PALLD: variants seen among roughly 807,000 people sequenced by gnomAD.
PALLD encodes the protein palladin.
In PALLD, 61 loss-of-function variants were observed where a neutral mutation model predicts 123.5. That is an observed-to-expected ratio of 0.49 (90% CI 0.40 to 0.61). The LOEUF (loss-of-function observed/expected upper bound fraction) is 0.61. Among genes scored for constraint, PALLD ranks in the 20% least tolerant of loss-of-function variants. The probability of loss-of-function intolerance (pLI) is 0.00; values close to 1 mark genes in which losing one functional copy is unlikely to be tolerated. For synonymous variants in PALLD, 465 were observed against 496.4 expected, an observed-to-expected ratio of 0.94 and a Z score of 0.84; for missense variants, 1,273 against 1,377.0, an observed-to-expected ratio of 0.92 and a Z score of 1.20.
intron 2 of PALLD, among the ~76,000 whole-genome samples, chr4:168,533,515 C>A (rs1764800687): frequency 6.6e-6 from 1 of 152,114 alleles, no homozygotes; most frequent in South Asian, 2.1e-4. Context: ...GATAATTATG[C>A]CATTCAGATG....
intron 10 of PALLD, among the ~76,000 whole-genome samples, chr4:168,866,885 C>CA (rs1553962928): frequency 1.3e-5 from 2 of 152,134 alleles, no homozygotes; most frequent in Non-Finnish European, 2.9e-5. Flanking sequence ...ATCTCAATAA[C>CA]AAAGAAATAG....
rs753316618 is a variant in PALLD at position 168,921,541 on chromosome 4, G to A, written c.2858G>A (p.Gly953Glu). Residue 953 changes from glycine (G) to glutamate (E), a missense_variant, in exon 18 of 22, where the codon GGG becomes GAG. Gly to Glu is a moderately conservative substitution (Grantham distance 98). Transcript: ENST00000505667. ...KLCRMDCKVSGLPTPDLSWQL... is the reference protein window; with the variant it reads ...KLCRMDCKVSELPTPDLSWQL... ...ATTTCTTTTATGATTTAGGTCAGTG[G>A]GTTACCAACCCCAGATCTAAGCTGG... is the stretch of plus-strand genomic sequence containing the variant. The A allele has an allele frequency of 1.2e-6, 2 of 1,600,574 alleles. No homozygotes were observed. Among genetic ancestry groups the A allele is most frequent in the Non-Finnish European group, 8.5e-7 (1 of 1,173,920 alleles).
At chr4:168,670,862 T>A in intron 3 of PALLD, among the ~76,000 whole-genome samples, 1 of 145,804 alleles carries the variant, frequency 6.9e-6, no homozygotes, top group Non-Finnish European at 1.5e-5. Flanking sequence ...AAGGAGGAGA[T>A]CAAGATCAGC....
rs541132143 is a variant in PALLD, at chr4:168,559,945, C to A, written c.908+47533C>A. On this transcript the variant is annotated intron_variant, in intron 2 of 21. Transcript: ENST00000505667. ...AAGAGAGAGAGAGAGAGCATGCAAG[C>A]AAGCAGTATATAAACCAGTGAATTT... Among the ~76,000 whole-genome samples the A allele has an allele frequency of 2.0e-5, 3 of 151,868 alleles. No individual in the cohort carries two copies. The South Asian group carries it at 6.3e-4, about 32-fold the overall frequency.
At chr4:168,896,079 G>A (rs1378476647) in intron 12 of PALLD, among the ~76,000 whole-genome samples, 7 of 152,034 alleles carry the variant, frequency 4.6e-5, no homozygotes, top group Middle Eastern at 3.2e-3. Context: ...GTGTGGTGGC[G>A]TGCGCCTGTA....
intron 10 of PALLD, among the ~76,000 whole-genome samples, chr4:168,774,740 A>C (rs1734948353): frequency 6.6e-6 from 1 of 151,388 alleles, no homozygotes. Context: ...AAAAAAAAAA[A>C]AAAAAAGATA....
At chr4:168,744,415 G>A (rs919266445) in intron 10 of PALLD, among the ~76,000 whole-genome samples, 1 of 152,082 alleles carries the variant, frequency 6.6e-6, no homozygotes, top group Non-Finnish European at 1.5e-5. Context: ...CCACAGCCTC[G>A]AGGTCACAGA....
At chr4:168,791,515 C>T (rs62334303) in intron 10 of PALLD, among the ~76,000 whole-genome samples, 19,882 of 152,104 alleles carry the variant, frequency 0.13, 1,584 homozygotes, top group Non-Finnish European at 0.18. Flanking sequence ...GGAGGAACTA[C>T]CACACACTTA....
At chr4:168,569,344 C>T (rs1465871116) in intron 2 of PALLD, among the ~76,000 whole-genome samples, 1 of 152,122 alleles carries the variant, frequency 6.6e-6, no homozygotes, top group African/African-American at 2.4e-5. Flanking sequence ...TGTGAACAAC[C>T]TCTCTTTGAC....
chr4:168,832,139 G>A (rs1254643503), intron 10 of PALLD: 9 of 985,384 alleles, frequency 9.1e-6, no homozygotes, highest in African/African-American at 1.7e-5. Flanking sequence ...ACGCGGAATC[G>A]GGCAGCAGCG....
intron 2 of PALLD, among the ~76,000 whole-genome samples, chr4:168,615,041 G>T (rs1393873482): frequency 6.6e-6 from 1 of 152,074 alleles, no homozygotes; most frequent in East Asian, 1.9e-4. Context: ...CATTGATTAG[G>T]GTTACATGAT....
chr4:168,746,048 T>A (rs758493857), intron 10 of PALLD, among the ~76,000 whole-genome samples: 1 of 152,136 alleles, frequency 6.6e-6, no homozygotes, highest in Non-Finnish European at 1.5e-5. Flanking sequence ...AAAATCAGAT[T>A]TGAGCTCCAC....
At chr4:168,508,784 T>TC (rs11299423) in intron 1 of PALLD, among the ~76,000 whole-genome samples, 3 of 151,782 alleles carry the variant, frequency 2.0e-5, no homozygotes, top group Non-Finnish European at 4.4e-5. Context: ...CCCCCGAGTC[T>TC]CCCCCTCTCC....
At chr4:168,747,319 A>G (rs1019811653) in intron 10 of PALLD, among the ~76,000 whole-genome samples, 5 of 152,228 alleles carry the variant, frequency 3.3e-5, no homozygotes, top group African/African-American at 1.2e-4. Context: ...AGGAAGTCCA[A>G]CCTGCAGGCT....
At chr4:168,731,782 A>G (rs545719641) in intron 10 of PALLD, among the ~76,000 whole-genome samples, 2 of 152,314 alleles carry the variant, frequency 1.3e-5, no homozygotes, top group East Asian at 3.9e-4. Flanking sequence ...AATTCAGACC[A>G]CCCTAAAGTT....
At chr4:168,571,910 G>C (rs1017813673) in intron 2 of PALLD, among the ~76,000 whole-genome samples, 1 of 152,064 alleles carries the variant, frequency 6.6e-6, no homozygotes, top group African/African-American at 2.4e-5. Flanking sequence ...TCAGTGCCAG[G>C]CCTGACTGAG....
chr4:168,925,048 G>A lies in PALLD; in HGVS notation c.3328G>A (p.Val1110Met). Residue 1110 changes from valine to methionine, a missense_variant, in exon 20 of 22, where the codon GTG becomes ATG. Val to Met is a conservative substitution (Grantham distance 21). This residue lies in a region of PALLD where 329 missense variants were observed against 422.5 expected (regional missense o/e 0.78). Coordinates refer to ENST00000505667, the MANE Select transcript of PALLD (RefSeq NM_001166108.2). ...GTCAGCCAAGAATGAAGCAGGGATT[G>A]TGTCCTGTACTGCCAGGCTGGACGT... ...TVSAKNEAGI[V>M]SCTARLDVYI... The A allele has an allele frequency of 6.2e-7, 1 of 1,614,102 alleles. No individual in the cohort carries two copies. The highest frequency in any genetic ancestry group is 8.5e-7 in the Non-Finnish European group (1 of 1,179,976).
In PALLD at chr4:168,808,194, A is replaced by AG. The variant is rs1740518911; in HGVS notation, c.1965-82722dup. Among the ~76,000 whole-genome samples, 3 of 151,634 alleles carry AG rather than the reference A, an allele frequency of 2.0e-5. No individual in the cohort carries two copies. In the South Asian group the frequency reaches 6.3e-4, roughly 32 times the overall value. Reference sequence around the variant, plus strand: ...ATATATTAATATATATAAGAATATAAGGGGGGCCAGGCACAGTGGCTCATG... The same window carrying AG: ...ATATATTAATATATATAAGAATATAAGGGGGGGCCAGGCACAGTGGCTCATG... On this transcript the variant is annotated intron_variant, in intron 10 of 21. Coordinates refer to ENST00000505667, the MANE Select transcript of PALLD (RefSeq NM_001166108.2).
chr4:168,906,552 A>G (rs1175382748), intron 15 of PALLD, among the ~76,000 whole-genome samples: 3 of 152,228 alleles, frequency 2.0e-5, no homozygotes, highest in Admixed American at 1.3e-4. Context: ...ATTCCATATT[A>G]CATACATATA....
Sources: allele counts gnomAD v4.1 joint callset (sites outside exome capture counted in the v4.1 genomes callset), GRCh38; gene constraint gnomAD v4.1.1; regional missense constraint gnomAD v4.1.1; transcripts MANE v1.5; gene names NCBI Gene and HGNC (gene_info 2026-07-23, HGNC 2026-07-21).